Variants in MAP4K3 observed in about 807,000 individuals in gnomAD.
MAP4K3 encodes the protein MAPK/ERK kinase kinase kinase 3.
MAP4K3 carries 94 observed loss-of-function variants against 143.5 expected under a neutral mutation model. That is an observed-to-expected ratio of 0.65 (90% CI 0.55 to 0.78). The LOEUF (loss-of-function observed/expected upper bound fraction) is 0.78. Ranked by LOEUF, MAP4K3 falls within the 30% of genes least tolerant of loss-of-function variation. The pLI, the probability that MAP4K3 is intolerant of heterozygous loss-of-function variation, is 0.00. For synonymous variants in MAP4K3, 416 were observed against 347.2 expected, an observed-to-expected ratio of 1.20 and a Z score of -2.20; for missense variants, 1,077 against 1,068.1, an observed-to-expected ratio of 1.01 and a Z score of -0.12.
intron 23 of MAP4K3, 47 bp downstream of exon 23, chr2:39,280,225 A>C (rs779621694): frequency 1.8e-6 from 2 of 1,094,124 alleles, no homozygotes; most frequent in Admixed American, 4.9e-5. Context: ...TCATGGCCCC[A>C]GTTTTAAAAA....
At chr2:39,270,956 T>C (rs1573077200) in intron 26 of MAP4K3, among the ~76,000 whole-genome samples, 1 of 152,098 alleles carries the variant, frequency 6.6e-6, no homozygotes, top group South Asian at 2.1e-4. Context: ...TTTGTGGCTG[T>C]TACTATTAAA....
chr2:39,412,954 G>A (rs555127382), intron 1 of MAP4K3, among the ~76,000 whole-genome samples: 2 of 152,188 alleles, frequency 1.3e-5, no homozygotes, highest in Non-Finnish European at 2.9e-5. Flanking sequence ...ATAGTAACCT[G>A]CCATTTCAAT....
intron 1 of MAP4K3, among the ~76,000 whole-genome samples, chr2:39,399,831 T>C (rs886220479): frequency 6.6e-6 from 1 of 152,190 alleles, no homozygotes; most frequent in African/African-American, 2.4e-5. Context: ...CTGCTGTAAG[T>C]AGGATCTTTG....
At position 39,263,091 on chromosome 2, in the gene MAP4K3, C is replaced by CA. The variant is rs200282965; in HGVS notation, c.2136+2111dup. ...TGGCCAACAGAACCAGACTCCATCT[C>CA]AAAAAAAAATAAAAGCAGTCTAATG... is the stretch of plus-strand genomic sequence containing the variant. On this transcript the variant is annotated intron_variant, in intron 28 of 33. Transcript: ENST00000263881. Among the ~76,000 whole-genome samples, 133 of 148,044 alleles carry CA rather than the reference C, an allele frequency of 9.0e-4. 1 individual carries two copies. The highest frequency in any genetic ancestry group is 3.1e-3 in the African/African-American group (126 of 40,332).
Position 39,250,481 on chromosome 2 carries a change from T to C in MAP4K3, c.*137A>G. On this transcript the variant is annotated 3_prime_UTR_variant, in exon 34 of 34. Coordinates refer to ENST00000263881, the MANE Select transcript of MAP4K3 (RefSeq NM_003618.4). Reference sequence around the variant, plus strand: ...ACCACTTAAAACAAAATTTTCCCCATCTTATCTCATGCCACAATAAATTAC... The same window carrying C: ...ACCACTTAAAACAAAATTTTCCCCACCTTATCTCATGCCACAATAAATTAC... 1 of 799,226 alleles carries C rather than the reference T, an allele frequency of 1.3e-6. No individual in the cohort carries two copies. The highest frequency in any genetic ancestry group is 1.7e-5 in the African/African-American group (1 of 57,702). 49.5% of individuals were successfully genotyped at this position (799,226 alleles called of 1,614,324 possible). A position where few individuals can be genotyped will look rare whatever the true frequency, so the allele number is the denominator to read the frequency against.
At chr2:39,436,313 C>T (rs1256292558) in intron 1 of MAP4K3, among the ~76,000 whole-genome samples, 3 of 147,542 alleles carry the variant, frequency 2.0e-5, no homozygotes, top group African/African-American at 7.5e-5. Context: ...CAAAGTTGCT[C>T]TTTCCAAAAA....
intron 12 of MAP4K3, among the ~76,000 whole-genome samples, chr2:39,319,130 T>C (rs535709463): frequency 1.3e-4 from 20 of 152,302 alleles, no homozygotes; most frequent in African/African-American, 4.1e-4. Flanking sequence ...AGTGCTCAGA[T>C]TGAGAACTCC....
rs540041743 is a variant in MAP4K3 at position 39,288,715 on chromosome 2, TGCTTA to T, written c.1315-440_1315-436del. Among the ~76,000 whole-genome samples the T allele has an allele frequency of 3.4e-3, 523 of 152,336 alleles. 1 individual carries two copies. The highest frequency in any genetic ancestry group is 5.9e-3 in the Non-Finnish European group (402 of 68,024). ...AGATGACTCAATGTCTTTATGGTAA[TGCTTA>T]ATCTTTCAGACCAGGGGCATGAGAG... On this transcript the variant is annotated intron_variant, in intron 19 of 33. Transcript: ENST00000263881.
At chr2:39,394,087 A>C (rs2148599302) in intron 1 of MAP4K3, among the ~76,000 whole-genome samples, 1 of 152,340 alleles carries the variant, frequency 6.6e-6, no homozygotes, top group African/African-American at 2.4e-5. Flanking sequence ...GCAATATTAG[A>C]AACTTTTGTT....
chr2:39,427,600 G>C (rs1474663518), intron 1 of MAP4K3, among the ~76,000 whole-genome samples: 1 of 152,146 alleles, frequency 6.6e-6, no homozygotes, highest in African/African-American at 2.4e-5. Context: ...AGAGAACAGA[G>C]AAAGATCAGT....
intron 33 of MAP4K3, 97 bp downstream of exon 33, chr2:39,251,733 T>C (rs186164012): frequency 2.0e-6 from 2 of 985,414 alleles, no homozygotes; most frequent in African/African-American, 1.6e-5. Flanking sequence ...TTGAACATAT[T>C]GCAGACATTT....
At chr2:39,330,528 C>G (rs1683648709) in intron 8 of MAP4K3, among the ~76,000 whole-genome samples, 1 of 152,102 alleles carries the variant, frequency 6.6e-6, no homozygotes, top group Non-Finnish European at 1.5e-5. Flanking sequence ...GAATGCTAAG[C>G]TGAAGATGAA....
chr2:39,294,190 T>A (rs991454115), intron 16 of MAP4K3: 2 of 152,170 alleles, frequency 1.3e-5, no homozygotes, highest in Non-Finnish European at 2.9e-5. Context: ...CTTTTAATTA[T>A]TTTCCCTCCT....
chr2:39,278,998 G>C (rs1038826778), intron 23 of MAP4K3, among the ~76,000 whole-genome samples: 2 of 152,130 alleles, frequency 1.3e-5, no homozygotes, highest in East Asian at 1.9e-4. Context: ...TCTTCTAAAA[G>C]ATATGAGAAG....
At chr2:39,421,960 G>A (rs1026315683) in intron 1 of MAP4K3, among the ~76,000 whole-genome samples, 1 of 151,146 alleles carries the variant, frequency 6.6e-6, no homozygotes, top group Non-Finnish European at 1.5e-5. Context: ...ACTTTTATTG[G>A]GAATTACATA....
Position 39,337,153 on chromosome 2 carries a change from A to G in MAP4K3, c.367-186T>C, listed in dbSNP as rs183111024. Among the ~76,000 whole-genome samples, 694 of 152,174 alleles carry G rather than the reference A, an allele frequency of 4.6e-3. 2 individuals carry two copies. The highest frequency in any genetic ancestry group is 6.5e-3 in the Non-Finnish European group (441 of 67,930). On this transcript the variant is annotated intron_variant, in intron 5 of 33. Transcript: ENST00000263881. ...GATCAAGAAAATGACTAATTTTTCT[A>G]AGAAAATTTTCAGTGAATTCTACAA...
intron 1 of MAP4K3, among the ~76,000 whole-genome samples, chr2:39,435,648 A>T (rs1421909674): frequency 1.3e-5 from 2 of 152,252 alleles, no homozygotes; most frequent in African/African-American, 4.8e-5. Flanking sequence ...ATGGCTATTT[A>T]ATACTGTCCT....
chr2:39,364,507 T>C (rs954636952), intron 2 of MAP4K3, among the ~76,000 whole-genome samples: 6 of 152,166 alleles, frequency 3.9e-5, no homozygotes, highest in Non-Finnish European at 7.3e-5. Context: ...CTCCAAGAGA[T>C]CCTGAGAACA....
At chr2:39,411,060 G>A (rs948763304) in intron 1 of MAP4K3, among the ~76,000 whole-genome samples, 2 of 151,998 alleles carry the variant, frequency 1.3e-5, no homozygotes, top group Admixed American at 6.6e-5. Context: ...TTTAAATACA[G>A]GACAGTAATT....
Sources: allele counts gnomAD v4.1 joint callset (sites outside exome capture counted in the v4.1 genomes callset), GRCh38; gene constraint gnomAD v4.1.1; transcripts MANE v1.5; gene names NCBI Gene and HGNC (gene_info 2026-07-23, HGNC 2026-07-21).